SGCZ: variants seen among roughly 807,000 people sequenced by gnomAD.
SGCZ encodes zeta-sarcoglycan.
SGCZ carries 40 observed loss-of-function variants against 41.3 expected under a neutral mutation model. The ratio of observed to expected loss-of-function variants is 0.97; its 90% CI spans 0.75 to 1.26. The LOEUF (loss-of-function observed/expected upper bound fraction) is 1.26, where lower values mean the gene tolerates loss of function less well. Among genes scored for constraint, SGCZ ranks in the 50% most tolerant of loss-of-function variants. The pLI, the probability that SGCZ is intolerant of heterozygous loss-of-function variation, is 0.00. For missense variants in SGCZ, 552 were observed against 369.8 expected, an observed-to-expected ratio of 1.49 and a Z score of -4.04; for synonymous variants, 206 against 137.5, an observed-to-expected ratio of 1.50 and a Z score of -3.49.
chr8:14,090,611 C>A lies in SGCZ; in HGVS notation c.771G>T (p.Lys257Asn). ...GEIFLNAETI[K>N]LGNLPTGSFS... ...AGGAGCCAGTTGGTAGATTTCCCAG[C>A]TTGATTGTCTCTGCATTTAAAAATA... The change falls in exon 8 of 8, where the codon AAG becomes AAT. Residue 257 changes from lysine to asparagine, a missense_variant. By Grantham distance (94) the Lys-to-Asn change is moderately conservative. Coordinates refer to ENST00000382080, the MANE Select transcript of SGCZ (RefSeq NM_139167.4). 2 of 1,611,604 alleles carry A rather than the reference C, an allele frequency of 1.2e-6. No individual in the cohort carries two copies. The highest frequency in any genetic ancestry group is 1.7e-6 in the Non-Finnish European group (2 of 1,179,064).
chr8:14,148,731 A>T (rs1387327631), intron 5 of SGCZ, among the ~76,000 whole-genome samples: 1 of 152,112 alleles, frequency 6.6e-6, no homozygotes, highest in East Asian at 1.9e-4. Context: ...ACAAAGACAC[A>T]TCAAAAAAAG....
intron 2 of SGCZ, among the ~76,000 whole-genome samples, chr8:14,432,854 C>T (rs991675759): frequency 2.3e-5 from 3 of 128,536 alleles, no homozygotes; most frequent in African/African-American, 9.1e-5. Context: ...GAGGAGGTTG[C>T]AGTAAGCCAA....
At chr8:15,117,338 G>A (rs1034775901) in intron 1 of SGCZ, among the ~76,000 whole-genome samples, 6 of 151,708 alleles carry the variant, frequency 4.0e-5, no homozygotes, top group Admixed American at 1.3e-4. Context: ...CAGCCTGGGC[G>A]ACAGAGCGAG....
At chr8:14,763,946 C>G (rs140394098) in intron 1 of SGCZ, among the ~76,000 whole-genome samples, 1 of 152,138 alleles carries the variant, frequency 6.6e-6, no homozygotes, top group South Asian at 2.1e-4. Flanking sequence ...ATTTGACTTG[C>G]GGTAATCAAG....
rs559912715 is a variant in SGCZ, at chr8:14,855,018, T to G, written c.40-300092A>C. ...CTCCCACCTCCCTCAAGATCTAACT[T>G]TGATGCAACTTCCTAGGCATCTCCA... is the stretch of plus-strand genomic sequence containing the variant. On this transcript the variant is annotated intron_variant, in intron 1 of 7. Coordinates refer to ENST00000382080, the MANE Select transcript of SGCZ (RefSeq NM_139167.4). 1.7e-4 allele frequency among the ~76,000 whole-genome samples: 26 copies of G among 151,494 alleles called. No individual in the cohort carries two copies. In the South Asian group the frequency reaches 5.4e-3, roughly 32 times the overall value.
At chr8:14,931,198 A>G (rs979081123) in intron 1 of SGCZ, among the ~76,000 whole-genome samples, 1 of 152,030 alleles carries the variant, frequency 6.6e-6, no homozygotes, top group Non-Finnish European at 1.5e-5. Flanking sequence ...TCTTGATTAC[A>G]TAATCTGCAC....
chr8:14,286,799 A>G lies in SGCZ; in HGVS notation c.336+37304T>C, dbSNP rs1223835777. Reference sequence around the variant, plus strand: ...GTCTTTGAAAGTTTTTAAAGCTGCTAAGATACCCATAAAATTGTTTCTAGA... The same window carrying G: ...GTCTTTGAAAGTTTTTAAAGCTGCTGAGATACCCATAAAATTGTTTCTAGA... On this transcript the variant is annotated intron_variant, in intron 3 of 7. Transcript: ENST00000382080. 2.6e-5 allele frequency among the ~76,000 whole-genome samples: 4 copies of G among 152,264 alleles called. No homozygotes were observed. In the East Asian group the frequency reaches 7.7e-4, roughly 29 times the overall value.
chr8:14,780,610 T>C (rs910047753), intron 1 of SGCZ, among the ~76,000 whole-genome samples: 1 of 151,970 alleles, frequency 6.6e-6, no homozygotes, highest in Non-Finnish European at 1.5e-5. Flanking sequence ...TAGAATAAAG[T>C]GTATGGGATT....
intron 1 of SGCZ, among the ~76,000 whole-genome samples, chr8:14,655,647 A>G (rs532085498): frequency 2.0e-5 from 3 of 152,102 alleles, no homozygotes; most frequent in Non-Finnish European, 4.4e-5. Context: ...ACCCAATGGG[A>G]GTATCTTGTA....
At chr8:14,368,063 A>G (rs1418436646) in intron 2 of SGCZ, among the ~76,000 whole-genome samples, 1 of 152,052 alleles carries the variant, frequency 6.6e-6, no homozygotes, top group Non-Finnish European at 1.5e-5. Flanking sequence ...AAGGTATTTA[A>G]ATTTTTGAAA....
At chr8:15,086,281 G>C (rs1805946170) in intron 1 of SGCZ, among the ~76,000 whole-genome samples, 1 of 152,088 alleles carries the variant, frequency 6.6e-6, no homozygotes, top group African/African-American at 2.4e-5. Context: ...AAATATTCTT[G>C]CATACTCCGA....
intron 1 of SGCZ, among the ~76,000 whole-genome samples, chr8:14,635,431 T>G (rs1393159017): frequency 6.6e-6 from 1 of 151,970 alleles, no homozygotes; most frequent in Non-Finnish European, 1.5e-5. Context: ...ATTTAATATA[T>G]TTGTGTATAA....
Position 15,167,680 on chromosome 8 carries a change from T to TAAA in SGCZ, c.39+69902_39+69904dup, listed in dbSNP as rs60495317. On this transcript the variant is annotated intron_variant, in intron 1 of 7. Coordinates refer to ENST00000382080, the MANE Select transcript of SGCZ (RefSeq NM_139167.4). ...AGTCCTTTTTATAATTTGGGATGTT[T>TAAA]AAAAAAAAATACGGTCTAGAGAGAG... Among the ~76,000 whole-genome samples, 19 of 151,520 alleles carry TAAA rather than the reference T, an allele frequency of 1.3e-4. 1 individual carries two copies. In the South Asian group the frequency reaches 3.7e-3, roughly 30 times the overall value.
chr8:15,051,787 C>G (rs150077506), intron 1 of SGCZ, among the ~76,000 whole-genome samples: 73 of 152,218 alleles, frequency 4.8e-4, no homozygotes, highest in African/African-American at 1.7e-3. Flanking sequence ...TTATACTATG[C>G]ATGTGGGTTT....
chr8:14,577,434 G>GCT (rs1804745848), intron 1 of SGCZ, among the ~76,000 whole-genome samples: 1 of 146,266 alleles, frequency 6.8e-6, no homozygotes, highest in African/African-American at 2.6e-5. Flanking sequence ...CGTCAGCCAG[G>GCT]CTGGAGTATA....
intron 1 of SGCZ, among the ~76,000 whole-genome samples, chr8:14,602,764 GA>G (rs1401240302): frequency 1.3e-5 from 2 of 151,948 alleles, no homozygotes; most frequent in Non-Finnish European, 2.9e-5. Context: ...TCCCTCACTG[GA>G]ATTTAAGCAT....
chr8:14,544,045 G>C (rs998101477), intron 2 of SGCZ, among the ~76,000 whole-genome samples: 2 of 152,082 alleles, frequency 1.3e-5, no homozygotes, highest in Non-Finnish European at 2.9e-5. Context: ...ATTTGTAAGA[G>C]GGCTTTAATG....
intron 5 of SGCZ, among the ~76,000 whole-genome samples, chr8:14,136,452 C>T (rs2116913365): frequency 6.6e-6 from 1 of 152,226 alleles, no homozygotes; most frequent in African/African-American, 2.4e-5. Context: ...TGCCCTAATA[C>T]TGCGCTTTTC....
chr8:14,774,900 G>A (rs950521788), intron 1 of SGCZ, among the ~76,000 whole-genome samples: 2 of 152,008 alleles, frequency 1.3e-5, no homozygotes, highest in Non-Finnish European at 2.9e-5. Context: ...TTACATGTAG[G>A]TACTGGCTAT....
Sources: allele counts gnomAD v4.1 joint callset (sites outside exome capture counted in the v4.1 genomes callset), GRCh38; gene constraint gnomAD v4.1.1; transcripts MANE v1.5; gene names NCBI Gene and HGNC (gene_info 2026-07-23, HGNC 2026-07-21).